The following BTRC variants were observed in gnomAD, a reference collection of about 807,000 sequenced individuals.
BTRC encodes the protein beta-transducin repeat containing E3 ubiquitin protein ligase, also known as F-box/WD repeat-containing protein 1A.
In BTRC, 42 loss-of-function variants were observed where a neutral mutation model predicts 85.5. That is an observed-to-expected ratio of 0.49 (90% CI 0.38 to 0.64). BTRC has a LOEUF of 0.64. BTRC is among the 30% of genes least tolerant of loss of function. The pLI is 0.00. For synonymous variants in BTRC, 255 were observed against 263.3 expected, an observed-to-expected ratio of 0.97 and a Z score of 0.30; for missense variants, 594 against 743.5, an observed-to-expected ratio of 0.80 and a Z score of 2.34.
chr10:101,398,635 C>T (rs1943422470), intron 1 of BTRC, among the ~76,000 whole-genome samples: 1 of 152,160 alleles, frequency 6.6e-6, no homozygotes, highest in African/African-American at 2.4e-5. Context: ...TATTTAATTG[C>T]ACATAGTTGA....
intron 4 of BTRC, among the ~76,000 whole-genome samples, chr10:101,486,392 A>G (rs1164161535): frequency 6.6e-6 from 1 of 151,860 alleles, no homozygotes; most frequent in Non-Finnish European, 1.5e-5. Flanking sequence ...AGTATGGTGC[A>G]GTCTTTTAGT....
At chr10:101,497,792 C>T (rs746623046) in intron 4 of BTRC, among the ~76,000 whole-genome samples, 17 of 152,000 alleles carry the variant, frequency 1.1e-4, no homozygotes, top group African/African-American at 3.4e-4. Flanking sequence ...GAGGCCAACG[C>T]GGGCATGTCA....
intron 2 of BTRC, among the ~76,000 whole-genome samples, chr10:101,433,946 A>G (rs1022630150): frequency 1.3e-5 from 2 of 152,134 alleles, no homozygotes; most frequent in Admixed American, 1.3e-4. Context: ...TATATTTGTA[A>G]TAGGAATTAA....
chr10:101,414,041 A>G (rs999947657), intron 1 of BTRC, among the ~76,000 whole-genome samples: 10 of 152,170 alleles, frequency 6.6e-5, no homozygotes, highest in African/African-American at 2.4e-4. Context: ...TAGTTTTAGC[A>G]CATTCACATC....
At chr10:101,404,890 C>G (rs922547554) in intron 1 of BTRC, among the ~76,000 whole-genome samples, 1 of 151,124 alleles carries the variant, frequency 6.6e-6, no homozygotes, top group South Asian at 2.1e-4. Flanking sequence ...CCCAGCTACT[C>G]AGGAGGCTGA....
intron 2 of BTRC, among the ~76,000 whole-genome samples, chr10:101,456,479 T>C (rs757427306): frequency 6.6e-6 from 1 of 152,198 alleles, no homozygotes; most frequent in Non-Finnish European, 1.5e-5. Flanking sequence ...GGAAAAGAGC[T>C]GACCTAGAAA....
At chr10:101,506,515 G>T (rs879543329) in intron 4 of BTRC, among the ~76,000 whole-genome samples, 1 of 152,110 alleles carries the variant, frequency 6.6e-6, no homozygotes, top group East Asian at 1.9e-4. Flanking sequence ...GGGAGGACAG[G>T]CATTGATGAG....
Position 101,368,835 on chromosome 10 carries a change from G to A in BTRC, c.48+14607G>A, listed in dbSNP as rs570143662. Among the ~76,000 whole-genome samples, 9 of 152,170 alleles carry A rather than the reference G, an allele frequency of 5.9e-5. No homozygotes were observed. In the South Asian group the frequency reaches 1.9e-3, roughly 32 times the overall value. ...GGAGTTCGAGTCTAGCCTGGCTAAC[G>A]TGGTGAAACCTCGCTTCTACTAAAG... On this transcript the variant is annotated intron_variant, in intron 1 of 14. Coordinates refer to ENST00000370187, the MANE Select transcript of BTRC (RefSeq NM_033637.4).
At chr10:101,487,592 T>G (rs1946022383) in intron 4 of BTRC, among the ~76,000 whole-genome samples, 1 of 152,206 alleles carries the variant, frequency 6.6e-6, no homozygotes, top group Admixed American at 6.5e-5. Context: ...ACAATCAGTT[T>G]ACACAGATAG....
At chr10:101,450,145 C>A (rs1944924164) in intron 2 of BTRC, among the ~76,000 whole-genome samples, 1 of 151,040 alleles carries the variant, frequency 6.6e-6, no homozygotes, top group Non-Finnish European at 1.5e-5. Flanking sequence ...TAATTACAAA[C>A]TCTTTTATAT....
intron 4 of BTRC, among the ~76,000 whole-genome samples, chr10:101,505,489 A>G (rs1275695637): frequency 9.2e-5 from 14 of 151,630 alleles, no homozygotes; most frequent in Admixed American, 9.2e-4. Flanking sequence ...GCGTGGTGGC[A>G]GGCGCCTGTA....
chr10:101,424,950 C>A (rs191328113), intron 1 of BTRC, among the ~76,000 whole-genome samples: 62 of 152,202 alleles, frequency 4.1e-4, no homozygotes, highest in African/African-American at 1.4e-3. Context: ...AGCTTTACCC[C>A]CTTTGTCCTC....
chr10:101,481,559 A>AAT (rs1945834083), intron 4 of BTRC, among the ~76,000 whole-genome samples: 1 of 121,442 alleles, frequency 8.2e-6, no homozygotes, highest in Non-Finnish European at 2.0e-5. Flanking sequence ...TATGATGTGG[A>AAT]GTTTTTTTTT....
chr10:101,482,457 A>T, intron 4 of BTRC, among the ~76,000 whole-genome samples: 1 of 132,694 alleles, frequency 7.5e-6, no homozygotes, highest in East Asian at 2.2e-4. Context: ...GTGCAGTGGC[A>T]TGATCTCGGC....
chr10:101,538,404 A>G (rs1315105645), intron 13 of BTRC, 33 bp downstream of exon 13: 2 of 1,556,114 alleles, frequency 1.3e-6, no homozygotes, highest in Non-Finnish European at 8.9e-7. Flanking sequence ...AGCATTGGAG[A>G]GCAGGTGGGG....
chr10:101,417,021 A>G (rs1378744573), intron 1 of BTRC, among the ~76,000 whole-genome samples: 3 of 147,618 alleles, frequency 2.0e-5, no homozygotes, highest in Non-Finnish European at 4.5e-5. Flanking sequence ...TTTTTTTTTC[A>G]TAAACCACTT....
chr10:101,455,960 G>T (rs1342164810), intron 2 of BTRC, among the ~76,000 whole-genome samples: 2 of 72,092 alleles, frequency 2.8e-5, no homozygotes, highest in African/African-American at 1.2e-4. Flanking sequence ...TGGCCAACAT[G>T]GTGAAACTCT....
At chr10:101,514,853 A>G (rs1018230061) in intron 4 of BTRC, among the ~76,000 whole-genome samples, 5 of 152,300 alleles carry the variant, frequency 3.3e-5, no homozygotes, top group Admixed American at 6.5e-5. Context: ...GTGTCCTTAC[A>G]CCAAAGCCAC....
At chr10:101,532,815 G>C (rs2062319164) in intron 8 of BTRC, 137 bp from the exon 9 acceptor site, 1 of 552,190 alleles carries the variant, frequency 1.8e-6, no homozygotes, top group Non-Finnish European at 3.1e-6. Flanking sequence ...CGCGCGCTTA[G>C]CTATACCTAT....
Sources: allele counts gnomAD v4.1 joint callset (sites outside exome capture counted in the v4.1 genomes callset), GRCh38; gene constraint gnomAD v4.1.1; transcripts MANE v1.5; gene names NCBI Gene and HGNC (gene_info 2026-07-23, HGNC 2026-07-21).